LRP5: variants seen among roughly 807,000 people sequenced by gnomAD.
LRP5 encodes the protein low-density lipoprotein receptor-related protein 5.
LRP5 carries 62 observed loss-of-function variants against 154.1 expected under a neutral mutation model. The observed-to-expected ratio is 0.40, with a 90% CI of 0.33 to 0.50. The LOEUF (loss-of-function observed/expected upper bound fraction) is 0.50, where lower values mean the gene tolerates loss of function less well. LRP5 is among the 20% of genes least tolerant of loss of function. LRP5 has a pLI of 0.55. For missense variants in LRP5, 1,915 were observed against 2,336.7 expected (o/e 0.82, Z 3.72); for synonymous variants, 966 against 1,011.5 (o/e 0.96, Z 0.85).
Position 68,423,794 on chromosome 11 carries a change from C to T in LRP5, c.3236+97C>T. On this transcript the variant is annotated intron_variant, in intron 14 of 22. Transcript: ENST00000294304. The surrounding 1 kb of genome is among the most constrained non-coding windows in gnomAD (Gnocchi z 4.7). ...GCCTCTCACAGGCTGGGGAGACTTT[C>T]CACCCTGGGGATCCAATGGGTGGCT... 2 of 1,233,720 alleles carry T rather than the reference C, an allele frequency of 1.6e-6. No homozygotes were observed. Among genetic ancestry groups the T allele is most frequent in the Non-Finnish European group, 2.3e-6 (2 of 877,886 alleles). The allele number at this position is 1,233,720 out of a possible 1,614,324, so 76.4% of individuals were successfully genotyped here.
At chr11:68,369,144 T>C (rs2153142439) in intron 5 of LRP5, among the ~76,000 whole-genome samples, 1 of 152,360 alleles carries the variant, frequency 6.6e-6, no homozygotes, top group East Asian at 1.9e-4. Flanking sequence ...GGCCTATGCC[T>C]GAACAATATC....
chr11:68,425,066 C>A (rs1213037888), intron 14 of LRP5, 36 bp from the exon 15 acceptor site: 4 of 1,599,980 alleles, frequency 2.5e-6, no homozygotes, highest in African/African-American at 1.3e-5. Context: ...GAGACGCCAT[C>A]CCCACACCCG....
At chr11:68,330,757 T>C (rs2098602277) in intron 1 of LRP5, among the ~76,000 whole-genome samples, 1 of 152,372 alleles carries the variant, frequency 6.6e-6, no homozygotes, top group African/African-American at 2.4e-5. Flanking sequence ...AGGAGCGCGA[T>C]TGGTGTGGGG....
intron 2 of LRP5, among the ~76,000 whole-genome samples, chr11:68,356,382 C>T (rs1309424595): frequency 6.6e-6 from 1 of 152,054 alleles, no homozygotes; most frequent in Non-Finnish European, 1.5e-5. Flanking sequence ...AGTGACCCAC[C>T]CACCTCAGCC....
At chr11:68,393,695 C>T (rs1202707112) in intron 7 of LRP5, among the ~76,000 whole-genome samples, 1 of 152,186 alleles carries the variant, frequency 6.6e-6, no homozygotes, top group Admixed American at 6.5e-5. Flanking sequence ...GCAGGAGAAT[C>T]ACTTGAACCC....
intron 2 of LRP5, among the ~76,000 whole-genome samples, chr11:68,351,906 C>G (rs531330508): frequency 6.6e-6 from 1 of 152,018 alleles, no homozygotes; most frequent in Admixed American, 6.6e-5. Context: ...CTGGGGGCAG[C>G]GCGGTCCAGG....
In LRP5 at chr11:68,446,508, A is replaced by G. The variant is rs1371991892; in HGVS notation, c.4561A>G (p.Ile1521Val). 2.5e-6 allele frequency: 4 copies of G among 1,613,956 alleles called. No individual in the cohort carries two copies. The African/African-American group carries it at 4.0e-5, about 16-fold the overall frequency. The part of the protein sequence containing the change: ...YNMDMFYSSN[I>V]PATARPYRPY... ...CATGGACATGTTCTACTCTTCAAAC[A>G]TTCCGGCCACTGCGAGACCGTACAG... Residue 1521 changes from isoleucine to valine, a missense_variant, in exon 22 of 23, where the codon ATT (isoleucine) becomes GTT (valine). By Grantham distance (29) the Ile-to-Val change is conservative. This residue lies in a region of LRP5 where 1,094 missense variants were observed against 1,210.1 expected (regional missense o/e 0.90). Transcript: ENST00000294304.
intron 1 of LRP5, among the ~76,000 whole-genome samples, chr11:68,324,099 G>A (rs2458261): frequency 0.25 from 37,667 of 152,198 alleles, 4,900 homozygotes; most frequent in Non-Finnish European, 0.3. Context: ...CGTCCGCTGC[G>A]TCTGCCTCTT....
intron 16 of LRP5, among the ~76,000 whole-genome samples, chr11:68,429,171 C>T (rs145529092): frequency 0.016 from 2,386 of 150,238 alleles, 18 homozygotes; most frequent in Middle Eastern, 0.035. Context: ...GAGGGTTGTT[C>T]GACCCACGGA....
chr11:68,449,196 G>A lies in LRP5; in HGVS notation c.*126G>A. The A allele has an allele frequency of 2.3e-6, 1 of 433,948 alleles. No homozygotes were observed. The highest frequency in any genetic ancestry group is 3.9e-6 in the Non-Finnish European group (1 of 258,716). 26.9% of individuals were successfully genotyped at this position (433,948 alleles called of 1,614,324 possible). On this transcript the variant is annotated 3_prime_UTR_variant, in exon 23 of 23. Coordinates refer to ENST00000294304, the MANE Select transcript of LRP5 (RefSeq NM_002335.4). ...GGGATTTTAAAAACATGAGAAATGT[G>A]AACTGTGATGGGGTGGGCAGGGCTG...
At chr11:68,327,248 T>C (rs1196790842) in intron 1 of LRP5, among the ~76,000 whole-genome samples, 2 of 152,128 alleles carry the variant, frequency 1.3e-5, no homozygotes, top group Admixed American at 6.5e-5. Context: ...AGCGAGCCCC[T>C]CTTCGTTCCA....
intron 18 of LRP5, among the ~76,000 whole-genome samples, chr11:68,434,342 GA>G (rs1366252441): frequency 2.1e-5 from 3 of 144,252 alleles, no homozygotes; most frequent in Non-Finnish European, 4.5e-5. Context: ...TGCCCCCTGT[GA>G]GTTTTCTTTC....
At chr11:68,397,947 T>G (rs2098650348) in intron 7 of LRP5, among the ~76,000 whole-genome samples, 1 of 142,862 alleles carries the variant, frequency 7.0e-6, no homozygotes, top group East Asian at 2.2e-4. Context: ...ATCCCTGGGC[T>G]TTGGCACTGC....
intron 1 of LRP5, among the ~76,000 whole-genome samples, chr11:68,332,396 C>G (rs2153120065): frequency 6.6e-6 from 1 of 152,380 alleles, no homozygotes; most frequent in South Asian, 2.1e-4. Context: ...GGGCCTTGCT[C>G]TGCAGGCAGC....
chr11:68,310,473 A>G (rs1374861914), upstream of LRP5, among the ~76,000 whole-genome samples: 8 of 152,158 alleles, frequency 5.3e-5, no homozygotes, highest in Admixed American at 5.2e-4. Context: ...TACAAAAATA[A>G]GCTGGGCGTG....
chr11:68,317,003 C>T (rs1193347937), intron 1 of LRP5, among the ~76,000 whole-genome samples: 4 of 152,264 alleles, frequency 2.6e-5, no homozygotes, highest in African/African-American at 9.6e-5. Context: ...CATCCAGGTC[C>T]TCGGCTTGGT....
chr11:68,366,277 G>T (rs2098631026), intron 5 of LRP5, among the ~76,000 whole-genome samples: 1 of 152,076 alleles, frequency 6.6e-6, no homozygotes. Context: ...AGGTGGTGGG[G>T]GACAGGGCCT....
chr11:68,441,618 G>T (rs893357240), intron 21 of LRP5, among the ~76,000 whole-genome samples: 5 of 152,210 alleles, frequency 3.3e-5, no homozygotes, highest in Non-Finnish European at 7.3e-5. Flanking sequence ...AGGAACCCAA[G>T]CAGGGCCCCC....
intron 8 of LRP5, among the ~76,000 whole-genome samples, chr11:68,406,175 G>A (rs60082346): frequency 1.2e-3 from 190 of 152,326 alleles, no homozygotes; most frequent in Non-Finnish European, 2.0e-3. Flanking sequence ...GTCAGAGCCC[G>A]CACTGCTGTT....
Sources: gnomAD v4.1 joint callset for allele counts (sites outside exome capture counted in the v4.1 genomes callset) on GRCh38, gnomAD v4.1.1 for gene constraint, gnomAD v4.1.1 regional missense constraint, Gnocchi (gnomAD v3.1) non-coding constraint, MANE v1.5 for transcripts, NCBI Gene and HGNC (gene_info 2026-07-23, HGNC 2026-07-21) for gene names.